Variants in ANO7 observed in about 807,000 individuals in gnomAD.
The protein encoded by ANO7 is anoctamin 7, also known as anoctamin-7.
In ANO7, 114 loss-of-function variants were observed where a neutral mutation model predicts 115.8. The observed-to-expected ratio is 0.98, with a 90% CI of 0.85 to 1.15. The LOEUF (loss-of-function observed/expected upper bound fraction) is 1.15. ANO7 is among the 50% of genes most tolerant of loss of function. The pLI is 0.00. For synonymous variants in ANO7, 550 were observed against 498.2 expected, an observed-to-expected ratio of 1.10 and a Z score of -1.38; for missense variants, 1,302 against 1,201.2, an observed-to-expected ratio of 1.08 and a Z score of -1.24.
At chr2:241,239,746 G>A in the ANO7 span, 2 of 1,614,098 alleles carry the variant, frequency 1.2e-6, no homozygotes, top group Non-Finnish European at 1.7e-6. The surrounding 1 kb of genome is among the most constrained non-coding windows in gnomAD (Gnocchi z 4.6). Context: ...TCTCCCGCAA[G>A]ACCTGGCCTC....
At chr2:241,230,607 C>A, downstream of ANO7, 1 of 692,202 alleles carries the variant, frequency 1.4e-6, no homozygotes, top group Non-Finnish European at 2.5e-6. The surrounding 1 kb of genome is among the most constrained non-coding windows in gnomAD (Gnocchi z 5.0). Flanking sequence ...CCTGCACTGA[C>A]CCGTGGTGTC....
In ANO7 at chr2:241,188,767, G is replaced by A; in HGVS notation, c.-8+1G>A. 1 of 1,612,952 alleles carries A rather than the reference G, an allele frequency of 6.2e-7. No homozygotes were observed. The highest frequency in any genetic ancestry group is 1.1e-5 in the South Asian group (1 of 91,018). On this transcript the variant is annotated splice_donor_variant, in intron 1 of 24. Transcript: ENST00000674324. LOFTEE classifies it low-confidence loss of function (5UTR_SPLICE). The surrounding 1 kb of genome is among the most constrained non-coding windows in gnomAD (Gnocchi z 4.3). ...CCTCTTCCGGAAGCCACTGTGCCAG[G>A]TGGGGACCCAGCCTAGACGTGTGGG... is the stretch of plus-strand genomic sequence containing the variant.
the ANO7 span, chr2:241,236,851 G>T: frequency 1.4e-6 from 2 of 1,450,068 alleles, no homozygotes; most frequent in Non-Finnish European, 1.9e-6. Flanking sequence ...TGTCTGTGAG[G>T]CACCTGCTGG....
intron 8 of ANO7, among the ~76,000 whole-genome samples, chr2:241,202,688 G>A (rs1465627131): frequency 6.6e-6 from 1 of 152,234 alleles, no homozygotes; most frequent in African/African-American, 2.4e-5. Flanking sequence ...CAGGGCAGCT[G>A]CCGCTGCACC....
the ANO7 span, among the ~76,000 whole-genome samples, chr2:241,238,106 G>C: frequency 3.3e-5 from 5 of 152,240 alleles, no homozygotes; most frequent in Non-Finnish European, 7.3e-5. This position sits in a 1 kb window ranked among gnomAD's most constrained non-coding sequence, Gnocchi z 4.9. Context: ...GCAAGTGAGA[G>C]AGAGGCAACC....
intron 10 of ANO7, 66 bp from the exon 11 acceptor site, chr2:241,207,508 T>C: frequency 7.2e-7 from 1 of 1,398,334 alleles, no homozygotes; most frequent in Non-Finnish European, 1.0e-6. Context: ...GGGAGGCGCC[T>C]GGCTGGGAGG....
Position 241,218,236 on chromosome 2 carries a change from C to T in ANO7, c.2179-3C>T, listed in dbSNP as rs777030844. The T allele has an allele frequency of 6.0e-6, 9 of 1,494,870 alleles. No individual in the cohort carries two copies. In the Admixed American group the frequency reaches 1.0e-4, roughly 17 times the overall value. 92.6% of individuals were successfully genotyped at this position (1,494,870 alleles called of 1,614,324 possible). A position where few individuals can be genotyped will look rare whatever the true frequency, so the allele number is the denominator to read the frequency against. On this transcript the variant is annotated splice_polypyrimidine_tract_variant and splice_region_variant and intron_variant, in intron 20 of 24. Coordinates refer to ENST00000674324, the MANE Select transcript of ANO7 (RefSeq NM_001370694.2). ...GCCTCGCGCTGACCCCTCCGGCGCC[C>T]AGGCCTTCCTCCTGGCCTTCTCGTC...
the ANO7 span, chr2:241,233,678 G>T: frequency 1.2e-6 from 1 of 845,972 alleles, no homozygotes; most frequent in Non-Finnish European, 1.9e-6. The surrounding 1 kb of genome is among the most constrained non-coding windows in gnomAD (Gnocchi z 4.3). Context: ...CAAACCTCAA[G>T]CCAGAATTAG....
In ANO7 at chr2:241,188,723, TG is replaced by T. The variant is rs1309258463; in HGVS notation, c.-48del. 1.9e-6 allele frequency: 3 copies of T among 1,611,906 alleles called. No homozygotes were observed. The African/African-American group carries it at 4.0e-5, about 22-fold the overall frequency. On this transcript the variant is annotated 5_prime_UTR_variant, in exon 1 of 25. Coordinates refer to ENST00000674324, the MANE Select transcript of ANO7 (RefSeq NM_001370694.2). This position sits in a 1 kb window ranked among gnomAD's most constrained non-coding sequence, Gnocchi z 4.3. Reference sequence around the variant, plus strand: ...CCGAGACCAGGCTCACGCTGAGAGGTGGGCCATGACCTCCGAGACCTCTTCC... The same window carrying T: ...CCGAGACCAGGCTCACGCTGAGAGGTGGCCATGACCTCCGAGACCTCTTCC...
chr2:241,193,726 A>G (rs2068256663), intron 3 of ANO7, among the ~76,000 whole-genome samples: 1 of 152,144 alleles, frequency 6.6e-6, no homozygotes, highest in South Asian at 2.1e-4. Context: ...GTATTGTTAA[A>G]GTTTTGTCAG....
At chr2:241,196,029 G>A (rs1194446632) in intron 4 of ANO7, 184 bp downstream of exon 4, 1 of 1,458,770 alleles carries the variant, frequency 6.9e-7, no homozygotes, top group Non-Finnish European at 9.0e-7. Context: ...CTGTCCAGAG[G>A]CGGAGGTAAA....
Position 241,216,163 on chromosome 2 carries a change from G to T in ANO7, c.1897G>T (p.Ala633Ser). The T allele has an allele frequency of 6.2e-7, 1 of 1,613,318 alleles. No individual in the cohort carries two copies. The change falls in exon 19 of 25, where the codon GCT (alanine) becomes TCT (serine). Residue 633 changes from alanine to serine, a missense_variant. Physicochemically the swap from Ala to Ser is moderately conservative, Grantham distance 99 (BLOSUM62 1). Coordinates refer to ENST00000674324, the MANE Select transcript of ANO7 (RefSeq NM_001370694.2). ...GAGGAAGGCGGGAGCTTCTGCAGGG[G>T]CTAGCCAGGGGCCCTGGGAGGACGA... ...KKRKAGASAG[A>S]SQGPWEDDYE...
intron 7 of ANO7, among the ~76,000 whole-genome samples, chr2:241,201,794 G>A (rs2068478791): frequency 6.6e-6 from 1 of 151,876 alleles, no homozygotes; most frequent in Non-Finnish European, 1.5e-5. Context: ...AGGGCACACA[G>A]TCACGTGGCT....
rs2068225948 is a variant in ANO7, at chr2:241,192,285, AT to A, written c.166+1036del. The stretch of plus-strand genomic sequence containing the variant: ...GGTAGCGGTGAACCGAGGTCGCGCC[AT>A]TGCACTCCAGCCTGGGCAGCAAGAG... On this transcript the variant is annotated intron_variant, in intron 3 of 24. Transcript: ENST00000674324. Among the ~76,000 whole-genome samples the A allele has an allele frequency of 2.0e-5, 3 of 152,324 alleles. No homozygotes were observed. The East Asian group carries it at 5.8e-4, about 29-fold the overall frequency.
rs1574803639 is a variant in ANO7, at chr2:241,223,650, C to T, written c.2413-12C>T. On this transcript the variant is annotated splice_polypyrimidine_tract_variant and intron_variant, in intron 22 of 24. Coordinates refer to ENST00000674324, the MANE Select transcript of ANO7 (RefSeq NM_001370694.2). ...CGTTTGGGTGGGCGTGAGTGCCTTCCTCTGCTCCCAGCATGTGGTTTTCTC... is the reference window on the plus strand; with the variant it reads ...CGTTTGGGTGGGCGTGAGTGCCTTCTTCTGCTCCCAGCATGTGGTTTTCTC... The T allele has an allele frequency of 6.2e-7, 1 of 1,610,778 alleles. No individual in the cohort carries two copies. The highest frequency in any genetic ancestry group is 8.5e-7 in the Non-Finnish European group (1 of 1,178,374).
rs779319466 is a variant in ANO7, at chr2:241,204,965, C to T, written c.980+10C>T. Reference sequence around the variant, plus strand: ...TCTCAGACATACCCACGTGAGTGTTCCCTCTCCGCAGCTCTGGGGCCTGGT... The same window carrying T: ...TCTCAGACATACCCACGTGAGTGTTTCCTCTCCGCAGCTCTGGGGCCTGGT... On this transcript the variant is annotated intron_variant, in intron 10 of 24. Transcript: ENST00000674324. 6.2e-7 allele frequency: 1 copy of T among 1,613,012 alleles called. No homozygotes were observed. The highest frequency in any genetic ancestry group is 8.5e-7 in the Non-Finnish European group (1 of 1,179,216).
Position 241,202,231 on chromosome 2 carries a change from A to G in ANO7, c.650A>G (p.Glu217Gly). 1 of 1,613,812 alleles carries G rather than the reference A, an allele frequency of 6.2e-7. No homozygotes were observed. The highest frequency in any genetic ancestry group is 8.5e-7 in the Non-Finnish European group (1 of 1,179,980). The change falls in exon 8 of 25, where the codon GAG (glutamate) becomes GGG (glycine). Residue 217 changes from glutamate to glycine, a missense_variant. Physicochemically the swap from Glu to Gly is moderately conservative, Grantham distance 98 (BLOSUM62 -2). Transcript: ENST00000674324. Reference sequence around the variant, plus strand: ...CTGGCCAAGACCCCGTATGGCCACGAGAAGAAAAACCTGCTTGGGATCCAC... The same window carrying G: ...CTGGCCAAGACCCCGTATGGCCACGGGAAGAAAAACCTGCTTGGGATCCAC... The part of the protein sequence containing the change: ...EILAKTPYGH[E>G]KKNLLGIHQL...
the ANO7 span, chr2:241,236,707 T>G: frequency 6.2e-7 from 1 of 1,614,094 alleles, no homozygotes; most frequent in African/African-American, 1.3e-5. Context: ...TCACAATCTT[T>G]AGCCTCTCTC....
intron 7 of ANO7, 96 bp from the exon 8 acceptor site, chr2:241,202,098 C>A: frequency 2.0e-6 from 2 of 1,000,674 alleles, no homozygotes; most frequent in Non-Finnish European, 1.5e-6. Flanking sequence ...TGAGGGAGGC[C>A]GTCCATGGCC....
Sources: allele counts gnomAD v4.1 joint callset (sites outside exome capture counted in the v4.1 genomes callset), GRCh38; gene constraint gnomAD v4.1.1; non-coding constraint Gnocchi (gnomAD v3.1); transcripts MANE v1.5; gene names NCBI Gene and HGNC (gene_info 2026-07-23, HGNC 2026-07-21).